The following RAPGEF4 variants were observed in gnomAD, a reference collection of about 807,000 sequenced individuals.
RAPGEF4 encodes Rap guanine nucleotide exchange factor 4, also known as RAP guanine-nucleotide-exchange factor (GEF) 4.
A neutral mutation model predicts 147.9 loss-of-function variants in RAPGEF4; 66 were observed. That is an observed-to-expected ratio of 0.45 (90% confidence interval 0.37 to 0.55). The LOEUF is 0.55. RAPGEF4 is among the 20% of genes least tolerant of loss of function. The probability of loss-of-function intolerance (pLI) is 0.00; values close to 1 mark genes in which losing one functional copy is unlikely to be tolerated. For synonymous variants in RAPGEF4, 419 were observed against 442.7 expected (o/e 0.95, Z 0.67); for missense variants, 1,071 against 1,257.3 (o/e 0.85, Z 2.24).
At chr2:172,792,217 T>C (rs978356680) in intron 1 of RAPGEF4, among the ~76,000 whole-genome samples, 17 of 152,192 alleles carry the variant, frequency 1.1e-4, no homozygotes, top group African/African-American at 4.1e-4. Context: ...GCTGCTGCTG[T>C]CCTTGCTGCC....
At chr2:172,759,643 T>A (rs1047066287) in intron 1 of RAPGEF4, among the ~76,000 whole-genome samples, 2 of 152,198 alleles carry the variant, frequency 1.3e-5, no homozygotes, top group African/African-American at 4.8e-5. Flanking sequence ...GGTTGCCATG[T>A]CCCTGGAAAC....
intron 1 of RAPGEF4, among the ~76,000 whole-genome samples, chr2:172,792,679 C>T (rs1685944036): frequency 6.6e-6 from 1 of 152,172 alleles, no homozygotes; most frequent in Admixed American, 6.5e-5. Context: ...TTAGGTCTTC[C>T]ACTTAGTGAC....
At chr2:172,819,462 T>C (rs1392337047) in intron 4 of RAPGEF4, among the ~76,000 whole-genome samples, 1 of 34,180 alleles carries the variant, frequency 2.9e-5, no homozygotes, top group Non-Finnish European at 6.6e-5. Context: ...TTTTTAGTTC[T>C]TTTTTTTTTT....
intron 10 of RAPGEF4, among the ~76,000 whole-genome samples, chr2:172,969,844 T>A (rs544941307): frequency 5.9e-5 from 9 of 152,326 alleles, no homozygotes; most frequent in African/African-American, 1.9e-4. Flanking sequence ...CTTCCTTTTA[T>A]TGTCCATACA....
At chr2:172,857,180 A>G (rs899565994) in intron 4 of RAPGEF4, among the ~76,000 whole-genome samples, 77 of 150,996 alleles carry the variant, frequency 5.1e-4, no homozygotes, top group South Asian at 1.0e-3. Flanking sequence ...GCGCGCACAC[A>G]CACACACACA....
At chr2:172,759,885 A>C (rs1267045970) in intron 1 of RAPGEF4, among the ~76,000 whole-genome samples, 1 of 152,138 alleles carries the variant, frequency 6.6e-6, no homozygotes, top group Admixed American at 6.5e-5. Flanking sequence ...TATATAAACA[A>C]ACAAAGAAAG....
intron 4 of RAPGEF4, among the ~76,000 whole-genome samples, chr2:172,835,702 A>ATTATGATAATAAATCATATACGTT (rs1690846490): frequency 1.3e-5 from 2 of 152,232 alleles, no homozygotes; most frequent in African/African-American, 4.8e-5. Flanking sequence ...CGTTCTTGAT[A>ATTATGATAATAAATCATATACGTT]CTTATGATAA....
intron 2 of RAPGEF4, 74 bp from the exon 3 acceptor site, chr2:172,797,451 G>A: frequency 8.3e-7 from 1 of 1,208,852 alleles, no homozygotes; most frequent in South Asian, 1.3e-5. Context: ...GCTTGGACCA[G>A]TGAAAAACTG....
chr2:172,983,253 C>G (rs889736933), intron 10 of RAPGEF4, among the ~76,000 whole-genome samples: 5 of 152,168 alleles, frequency 3.3e-5, no homozygotes, highest in Admixed American at 6.5e-5. Context: ...ATGCTCTTCC[C>G]TCTGAGATCA....
chr2:173,000,065 G>A (rs538208145), intron 16 of RAPGEF4, among the ~76,000 whole-genome samples: 110 of 152,276 alleles, frequency 7.2e-4, no homozygotes, highest in African/African-American at 2.5e-3. Flanking sequence ...TCAAGATGGT[G>A]CTAGATGTTA....
intron 4 of RAPGEF4, among the ~76,000 whole-genome samples, chr2:172,857,618 A>C (rs1433815826): frequency 2.6e-5 from 4 of 152,178 alleles, no homozygotes; most frequent in Non-Finnish European, 5.9e-5. Context: ...GCCAGGTGTC[A>C]TGTCCATAAT....
chr2:172,837,913 A>C (rs1691141082), intron 4 of RAPGEF4, among the ~76,000 whole-genome samples: 1 of 152,238 alleles, frequency 6.6e-6, no homozygotes, highest in Admixed American at 6.5e-5. Context: ...AATATGGTGT[A>C]GTATTCCATT....
At chr2:172,970,129 C>T (rs1224788189) in intron 10 of RAPGEF4, among the ~76,000 whole-genome samples, 1 of 150,668 alleles carries the variant, frequency 6.6e-6, no homozygotes, top group Non-Finnish European at 1.5e-5. Context: ...AATAAGGAAT[C>T]TAATTTTGGG....
At chr2:172,944,274 G>A (rs778342223) in intron 6 of RAPGEF4, among the ~76,000 whole-genome samples, 6 of 152,178 alleles carry the variant, frequency 3.9e-5, no homozygotes, top group South Asian at 2.1e-4. Context: ...AGGTTTATGC[G>A]ATAAGACAGT....
At chr2:172,764,334 C>G (rs2149474328) in intron 1 of RAPGEF4, among the ~76,000 whole-genome samples, 1 of 152,148 alleles carries the variant, frequency 6.6e-6, no homozygotes, top group East Asian at 1.9e-4. Flanking sequence ...GCCTTATCTC[C>G]TTACATGATT....
intron 4 of RAPGEF4, among the ~76,000 whole-genome samples, chr2:172,885,870 C>G (rs898808337): frequency 2.0e-5 from 3 of 152,090 alleles, no homozygotes; most frequent in Admixed American, 2.0e-4. Context: ...AGTGCCAGAA[C>G]CTTTCATGGT....
chr2:172,937,140 G>C (rs13022949), intron 6 of RAPGEF4, among the ~76,000 whole-genome samples: 1 of 150,356 alleles, frequency 6.7e-6, no homozygotes, highest in South Asian at 2.1e-4. Flanking sequence ...AGGATCACTC[G>C]AGCCCAGGAA....
chr2:172,756,314 T>G (rs1002866660), intron 1 of RAPGEF4, among the ~76,000 whole-genome samples: 1 of 152,236 alleles, frequency 6.6e-6, no homozygotes, highest in African/African-American at 2.4e-5. Flanking sequence ...CCGTTTCCCA[T>G]GGCCCTCTGC....
intron 23 of RAPGEF4, among the ~76,000 whole-genome samples, chr2:173,025,799 A>G (rs761367503): frequency 6.6e-6 from 1 of 152,228 alleles, no homozygotes; most frequent in East Asian, 1.9e-4. Flanking sequence ...ATATAAATCT[A>G]TTGCATTATA....
Sources: allele counts gnomAD v4.1 joint callset (sites outside exome capture counted in the v4.1 genomes callset), GRCh38; gene constraint gnomAD v4.1.1; transcripts MANE v1.5; gene names NCBI Gene and HGNC (gene_info 2026-07-23, HGNC 2026-07-21).